Variants in ADGRL3 observed in about 807,000 individuals in gnomAD.
ADGRL3 encodes the protein adhesion G protein-coupled receptor L3, also known as calcium-independent alpha-latrotoxin receptor 3.
A neutral mutation model predicts 153.5 loss-of-function variants in ADGRL3; 62 were observed. That is an observed-to-expected ratio of 0.40 (90% confidence interval 0.33 to 0.50). The LOEUF is 0.50. Among genes scored for constraint, ADGRL3 ranks in the 20% least tolerant of loss-of-function variants. The pLI is 0.47. For missense variants in ADGRL3, 1,641 were observed against 1,859.4 expected (o/e 0.88, Z 2.16); for synonymous variants, 710 against 672.5 (o/e 1.06, Z -0.86).
chr4:61,737,860 A>G (rs1031492721), intron 8 of ADGRL3, among the ~76,000 whole-genome samples: 5 of 152,084 alleles, frequency 3.3e-5, no homozygotes, highest in African/African-American at 1.2e-4. Flanking sequence ...CTCTTCAACC[A>G]TGAAATCAAA....
intron 1 of ADGRL3, among the ~76,000 whole-genome samples, chr4:61,326,343 T>C (rs2095463725): frequency 6.6e-6 from 1 of 152,072 alleles, no homozygotes; most frequent in Non-Finnish European, 1.5e-5. Flanking sequence ...CCTGACCATT[T>C]TCTACGTTTT....
intron 9 of ADGRL3, among the ~76,000 whole-genome samples, chr4:61,878,028 C>T (rs1023747132): frequency 2.0e-5 from 3 of 152,108 alleles, no homozygotes; most frequent in African/African-American, 7.2e-5. Flanking sequence ...ATTGTAAGTT[C>T]GCTGAGGCTT....
intron 4 of ADGRL3, among the ~76,000 whole-genome samples, chr4:61,525,882 T>C (rs897291981): frequency 6.6e-6 from 1 of 151,968 alleles, no homozygotes. Context: ...GAGGTGCAAA[T>C]GTGAAGCAGA....
chr4:61,760,050 AC>A (rs1262315100), intron 8 of ADGRL3, among the ~76,000 whole-genome samples: 2 of 152,152 alleles, frequency 1.3e-5, no homozygotes, highest in East Asian at 3.9e-4. Context: ...TCAGAGGAGT[AC>A]CCAGCCGTGT....
intron 1 of ADGRL3, among the ~76,000 whole-genome samples, chr4:61,206,929 G>A (rs1577851358): frequency 6.6e-6 from 1 of 151,982 alleles, no homozygotes; most frequent in East Asian, 1.9e-4. Flanking sequence ...GTTGCAGTGA[G>A]CCAAGATCGT....
chr4:62,067,502 T>C (rs548156680), intron 25 of ADGRL3, among the ~76,000 whole-genome samples: 129 of 152,164 alleles, frequency 8.5e-4, no homozygotes, highest in Non-Finnish European at 1.5e-3. Context: ...AATAAATAAA[T>C]GTAACCTTTT....
intron 5 of ADGRL3, among the ~76,000 whole-genome samples, chr4:61,669,345 A>G (rs1265615024): frequency 6.6e-6 from 1 of 152,180 alleles, no homozygotes; most frequent in African/African-American, 2.4e-5. Context: ...TTAGGATGAC[A>G]GGCAGTAGAA....
chr4:61,922,165 A>T (rs774593298), intron 13 of ADGRL3, among the ~76,000 whole-genome samples: 1 of 152,216 alleles, frequency 6.6e-6, no homozygotes, highest in Non-Finnish European at 1.5e-5. Context: ...GTAAATATTT[A>T]CAGGTCTAGA....
chr4:61,414,984 G>A (rs1235522715), intron 2 of ADGRL3, among the ~76,000 whole-genome samples: 2 of 151,652 alleles, frequency 1.3e-5, no homozygotes, highest in African/African-American at 4.8e-5. Flanking sequence ...AAAAATAGTT[G>A]GAAAATGTGC....
intron 4 of ADGRL3, among the ~76,000 whole-genome samples, chr4:61,567,814 C>T (rs2149081776): frequency 6.6e-6 from 1 of 152,178 alleles, no homozygotes; most frequent in South Asian, 2.1e-4. Context: ...TGAAGTTGCA[C>T]CTCAATTTGT....
intron 2 of ADGRL3, among the ~76,000 whole-genome samples, chr4:61,481,401 C>T (rs1181371784): frequency 6.6e-6 from 1 of 152,092 alleles, no homozygotes; most frequent in Admixed American, 6.5e-5. Flanking sequence ...AATTATTCGA[C>T]TCTAAAAGGC....
chr4:61,331,539 G>T (rs2095572907), intron 1 of ADGRL3, among the ~76,000 whole-genome samples: 1 of 152,108 alleles, frequency 6.6e-6, no homozygotes, highest in South Asian at 2.1e-4. Context: ...TGCTCAGTTT[G>T]TAAAAGGTTT....
chr4:61,585,234 A>G (rs74338301), intron 4 of ADGRL3, among the ~76,000 whole-genome samples: 1,654 of 152,144 alleles, frequency 0.011, 27 homozygotes, highest in African/African-American at 0.038. Flanking sequence ...TGCAGCTTGA[A>G]TAACTTCAAG....
chr4:61,553,087 T>G (rs754028100), intron 4 of ADGRL3, among the ~76,000 whole-genome samples: 3 of 152,194 alleles, frequency 2.0e-5, no homozygotes, highest in Non-Finnish European at 4.4e-5. Flanking sequence ...GTAAGTTGCC[T>G]CCAGTCACTT....
chr4:61,727,298 C>CATTA (rs879746781), intron 6 of ADGRL3, among the ~76,000 whole-genome samples: 5 of 151,902 alleles, frequency 3.3e-5, no homozygotes, highest in Non-Finnish European at 5.9e-5. Context: ...TAGCTTATGA[C>CATTA]ATTAAGTTTG....
chr4:62,028,979 A>G (rs1463736510), intron 22 of ADGRL3, 98 bp downstream of exon 22: 10 of 1,049,368 alleles, frequency 9.5e-6, no homozygotes, highest in Non-Finnish European at 1.3e-5. Context: ...AGCTTCTGTC[A>G]TTCACGTAGA....
At chr4:61,286,928 TTTTGG>T (rs1196808955) in intron 1 of ADGRL3, among the ~76,000 whole-genome samples, 37 of 151,748 alleles carry the variant, frequency 2.4e-4, no homozygotes, top group Admixed American at 7.9e-4. Flanking sequence ...ATTTTTAAAT[TTTTGG>T]TTATCAGGAT....
rs577166745 is a variant in ADGRL3, at chr4:61,456,703, A to T, written c.-173-40418A>T. The stretch of plus-strand genomic sequence containing the variant: ...TTTTTTATTCTAGAACAGGAAACTG[A>T]GAGTTTTTAAATGCTGTGTTTTGAG... On this transcript the variant is annotated intron_variant, in intron 2 of 26. Transcript: ENST00000683033. Among the ~76,000 whole-genome samples, 7 of 151,578 alleles carry T rather than the reference A, an allele frequency of 4.6e-5. 1 individual carries two copies. The highest frequency in any genetic ancestry group is 1.7e-4 in the African/African-American group (7 of 41,378).
intron 1 of ADGRL3, among the ~76,000 whole-genome samples, chr4:61,346,958 A>G (rs2095926950): frequency 6.6e-6 from 1 of 152,104 alleles, no homozygotes. Context: ...TGTCACATAA[A>G]GAAATATTAG....
Sources: allele counts gnomAD v4.1 joint callset (sites outside exome capture counted in the v4.1 genomes callset), GRCh38; gene constraint gnomAD v4.1.1; transcripts MANE v1.5; gene names NCBI Gene and HGNC (gene_info 2026-07-23, HGNC 2026-07-21).